The following TEX264 variants were observed in gnomAD, a reference collection of about 807,000 sequenced individuals.
TEX264 encodes the protein testis expressed 264, ER-phagy receptor.
Under a neutral mutation model 23.4 loss-of-function variants are expected in TEX264, and 13 were observed. That is an observed-to-expected ratio of 0.56 (90% CI 0.36 to 0.88). The LOEUF (loss-of-function observed/expected upper bound fraction) is 0.88. TEX264 is among the 40% of genes least tolerant of loss of function. The pLI is 0.01. For missense variants in TEX264, 340 were observed against 406.8 expected (o/e 0.84, Z 1.41); for synonymous variants, 159 against 170.0 (o/e 0.94, Z 0.50).
chr3:51,679,461 C>G (rs368329245), intron 2 of TEX264, among the ~76,000 whole-genome samples: 1 of 152,164 alleles, frequency 6.6e-6, no homozygotes, highest in Non-Finnish European at 1.5e-5. Context: ...TTGTGCAGCC[C>G]GCTTTCACTA....
chr3:51,703,935 A>G lies in TEX264; in HGVS notation c.861A>G (p.Ser287=). The change falls in exon 5 of 5, where the codon TCA becomes TCG. Residue 287 remains serine (S), a synonymous_variant. Transcript: ENST00000341333. The surrounding 1 kb of genome is among the most constrained non-coding windows in gnomAD (Gnocchi z 4.8). ...DLEGEGPLGE[S]RLDPGTEPLG... The stretch of plus-strand genomic sequence containing the variant: ...AGGGCGAGGGGCCCTTAGGGGAGTC[A>G]CGGCTGGACCCTGGGACTGAGCCCC... The G allele has an allele frequency of 1.2e-6, 2 of 1,600,424 alleles. No homozygotes were observed. The highest frequency in any genetic ancestry group is 1.7e-6 in the Non-Finnish European group (2 of 1,170,552).
intron 3 of TEX264, among the ~76,000 whole-genome samples, chr3:51,688,783 G>A (rs981522562): frequency 6.6e-6 from 1 of 152,168 alleles, no homozygotes; most frequent in East Asian, 1.9e-4. Context: ...GAACCTTGGT[G>A]GCCGAATTCT....
At chr3:51,692,362 CAGCTG>C (rs1417617427) in intron 3 of TEX264, among the ~76,000 whole-genome samples, 1 of 152,180 alleles carries the variant, frequency 6.6e-6, no homozygotes, top group Non-Finnish European at 1.5e-5. Flanking sequence ...ACTTCTTCTT[CAGCTG>C]AGCCCTCAGA....
At chr3:51,673,720 C>A (rs985749646) in intron 1 of TEX264, among the ~76,000 whole-genome samples, 4 of 152,202 alleles carry the variant, frequency 2.6e-5, no homozygotes, top group Non-Finnish European at 5.9e-5. Context: ...TTATGAAATT[C>A]TCTTCCTGAG....
intron 3 of TEX264, among the ~76,000 whole-genome samples, chr3:51,688,461 T>C (rs1298480763): frequency 6.6e-6 from 1 of 152,156 alleles, no homozygotes; most frequent in East Asian, 1.9e-4. Flanking sequence ...AGGAAGGCCA[T>C]TGAGAGTGTT....
Position 51,703,706 on chromosome 3 carries a change from C to T in TEX264, c.650-18C>T, listed in dbSNP as rs1354277135. 1.3e-6 allele frequency: 2 copies of T among 1,566,026 alleles called. No homozygotes were observed. Among genetic ancestry groups the T allele is most frequent in the Non-Finnish European group, 1.7e-6 (2 of 1,149,160 alleles). On this transcript the variant is annotated intron_variant, in intron 4 of 4. Coordinates refer to ENST00000341333, the MANE Select transcript of TEX264 (RefSeq NM_015926.6). This position sits in a 1 kb window ranked among gnomAD's most constrained non-coding sequence, Gnocchi z 4.8. The stretch of plus-strand genomic sequence containing the variant: ...GGGGTGGTCCTAGCTAACCTGTGCT[C>T]CCTTTTCCTGGTCATAGGAGCTGAC...
intron 2 of TEX264, among the ~76,000 whole-genome samples, chr3:51,676,290 G>T (rs1031796278): frequency 3.3e-5 from 5 of 152,214 alleles, no homozygotes; most frequent in African/African-American, 1.2e-4. Flanking sequence ...TCAACAGGTT[G>T]CCTCTTGGGT....
chr3:51,704,077 A>ACT lies in TEX264; in HGVS notation c.*65_*66dup, dbSNP rs1294261118. Reference sequence around the variant, plus strand: ...AGGAACTGAGCAGACTCTCCAGCAGACTCTCCAGCCCTCTTCCTCCTTCCT... The same window carrying ACT: ...AGGAACTGAGCAGACTCTCCAGCAGACTCTCTCCAGCCCTCTTCCTCCTTCCT... On this transcript the variant is annotated 3_prime_UTR_variant, in exon 5 of 5. Transcript: ENST00000341333. 8 of 1,342,778 alleles carry ACT rather than the reference A, an allele frequency of 6.0e-6. No homozygotes were observed. The highest frequency in any genetic ancestry group is 7.7e-6 in the Non-Finnish European group (8 of 1,038,708). The allele number at this position is 1,342,778 out of a possible 1,614,324, so 83.2% of individuals were successfully genotyped here. A position where few individuals can be genotyped will look rare whatever the true frequency, so the allele number is the denominator to read the frequency against.
At chr3:51,696,522 C>A (rs944518853) in intron 3 of TEX264, among the ~76,000 whole-genome samples, 2 of 152,216 alleles carry the variant, frequency 1.3e-5, no homozygotes, top group Non-Finnish European at 2.9e-5. Context: ...TCCGAGGTTG[C>A]ACCTGGCTGG....
intron 1 of TEX264, among the ~76,000 whole-genome samples, chr3:51,673,477 C>G (rs1274064049): frequency 6.6e-6 from 1 of 151,768 alleles, no homozygotes; most frequent in East Asian, 1.9e-4. Context: ...TCCTGCTGTG[C>G]GACTCCCCTT....
intron 3 of TEX264, among the ~76,000 whole-genome samples, chr3:51,692,751 G>C (rs556609572): frequency 6.6e-6 from 1 of 152,256 alleles, no homozygotes; most frequent in South Asian, 2.1e-4. Context: ...TGGAGCCTGC[G>C]ATGGTAGAGC....
chr3:51,696,704 T>A (rs1703072475), intron 3 of TEX264, among the ~76,000 whole-genome samples: 1 of 152,232 alleles, frequency 6.6e-6, no homozygotes, highest in Non-Finnish European at 1.5e-5. Context: ...ACAAGCCCCT[T>A]CTCTGCCTGT....
intron 3 of TEX264, among the ~76,000 whole-genome samples, chr3:51,698,131 C>T (rs1471436337): frequency 6.6e-6 from 1 of 152,074 alleles, no homozygotes; most frequent in African/African-American, 2.4e-5. Context: ...GCTGAGGGTC[C>T]TAGCTAGGTA....
At chr3:51,693,989 TC>T (rs1702930243) in intron 3 of TEX264, among the ~76,000 whole-genome samples, 4 of 4,856 alleles carry the variant, frequency 8.2e-4, no homozygotes, top group East Asian at 0.017. Flanking sequence ...TCCCTTTCTT[TC>T]CTTCCTTCCT....
At position 51,691,360 on chromosome 3, in the gene TEX264, G is replaced by A. The variant is rs1056837234; in HGVS notation, c.480+6726G>A. ...CTGCTAAGTGGCCTGCTCTGGCACA[G>A]GGAGGAGGGCACTTTTGGCAGCATC... On this transcript the variant is annotated intron_variant, in intron 3 of 4. Coordinates refer to ENST00000341333, the MANE Select transcript of TEX264 (RefSeq NM_015926.6). The surrounding 1 kb of genome is among the most constrained non-coding windows in gnomAD (Gnocchi z 4.4). Among the ~76,000 whole-genome samples the A allele has an allele frequency of 3.9e-5, 6 of 152,230 alleles. No individual in the cohort carries two copies. Among genetic ancestry groups the A allele is most frequent in the African/African-American group, 1.4e-4 (6 of 41,458 alleles).
chr3:51,673,092 AATC>A (rs1702107723), intron 1 of TEX264, among the ~76,000 whole-genome samples: 1 of 152,170 alleles, frequency 6.6e-6, no homozygotes, highest in African/African-American at 2.4e-5. Context: ...TTTAGCGTAA[AATC>A]AACACCCAGC....
At chr3:51,689,298 C>A (rs1181317853) in intron 3 of TEX264, among the ~76,000 whole-genome samples, 1 of 151,866 alleles carries the variant, frequency 6.6e-6, no homozygotes, top group South Asian at 2.1e-4. Context: ...GGCGTGGTGG[C>A]GTGCACCTGT....
chr3:51,692,751 G>A (rs556609572), intron 3 of TEX264, among the ~76,000 whole-genome samples: 2 of 152,374 alleles, frequency 1.3e-5, no homozygotes, highest in East Asian at 1.9e-4. Context: ...TGGAGCCTGC[G>A]ATGGTAGAGC....
intron 3 of TEX264, 141 bp downstream of exon 3, chr3:51,684,775 A>C: frequency 1.3e-6 from 1 of 746,276 alleles, no homozygotes; most frequent in Non-Finnish European, 2.2e-6. Context: ...GTACCTGTGG[A>C]GCTAGGAAGA....
Sources: allele counts gnomAD v4.1 joint callset (sites outside exome capture counted in the v4.1 genomes callset), GRCh38; gene constraint gnomAD v4.1.1; non-coding constraint Gnocchi (gnomAD v3.1); transcripts MANE v1.5; gene names NCBI Gene and HGNC (gene_info 2026-07-23, HGNC 2026-07-21).